Variants in ZBTB46 observed in about 807,000 individuals in gnomAD.
ZBTB46 encodes the protein zinc finger and BTB domain-containing protein 46.
A neutral mutation model predicts 44.1 loss-of-function variants in ZBTB46; 8 were observed. The observed-to-expected ratio is 0.18, with a 90% CI of 0.11 to 0.33. ZBTB46 has a LOEUF of 0.33. ZBTB46 is among the 10% of genes least tolerant of loss of function. ZBTB46 has a pLI of 1.00. For missense variants in ZBTB46, 651 were observed against 847.7 expected (o/e 0.77, Z 2.88); for synonymous variants, 409 against 382.3 (o/e 1.07, Z -0.81).
At chr20:63,775,319 G>A in intron 3 of ZBTB46, 1 of 213,872 alleles carries the variant, frequency 4.7e-6, no homozygotes, top group Non-Finnish European at 9.2e-6. Flanking sequence ...GGGGCCGGCA[G>A]GGGGCGCCCG....
chr20:63,767,058 G>A lies in ZBTB46; in HGVS notation c.1222+8620C>T, dbSNP rs535842381. 1.3e-5 allele frequency among the ~76,000 whole-genome samples: 2 copies of A among 152,326 alleles called. No individual in the cohort carries two copies. The highest frequency in any genetic ancestry group is 6.5e-5 in the Admixed American group (1 of 15,300). On this transcript the variant is annotated intron_variant, in intron 3 of 4. Coordinates refer to ENST00000245663, the MANE Select transcript of ZBTB46 (RefSeq NM_001369741.1). This position sits in a 1 kb window ranked among gnomAD's most constrained non-coding sequence, Gnocchi z 5.0. ...AGAAAGCTGACATTGAACCTAACAC[G>A]TCCGACGAGGACGGGCAAGGGCACC...
intron 1 of ZBTB46, among the ~76,000 whole-genome samples, chr20:63,820,693 A>G (rs576439532): frequency 6.6e-6 from 1 of 151,904 alleles, no homozygotes; most frequent in South Asian, 2.1e-4. Flanking sequence ...GGGCCTTCCA[A>G]AGTTCTGGGA....
intron 3 of ZBTB46, among the ~76,000 whole-genome samples, chr20:63,771,843 C>A (rs551732149): frequency 6.6e-6 from 1 of 152,200 alleles, no homozygotes; most frequent in Non-Finnish European, 1.5e-5. Flanking sequence ...AGGGGCCACA[C>A]AGGATGCCAG....
rs139017223 is a variant in ZBTB46, at chr20:63,791,412, C to T, written c.-33-622G>A. 9.2e-3 allele frequency among the ~76,000 whole-genome samples: 1,288 copies of T among 139,744 alleles called. 31 individuals carry two copies. The highest frequency in any genetic ancestry group is 0.032 in the African/African-American group (1,215 of 38,084). The allele number at this position is 139,744 out of a possible 152,430, so 91.7% of individuals were successfully genotyped here. On this transcript the variant is annotated intron_variant, in intron 1 of 4. Coordinates refer to ENST00000245663, the MANE Select transcript of ZBTB46 (RefSeq NM_001369741.1). ...TCAGGAGGCTGAGGCAGGAGAATGGCGTGAACCCGGGAGGCGGAGCCTGCA... is the reference window on the plus strand; with the variant it reads ...TCAGGAGGCTGAGGCAGGAGAATGGTGTGAACCCGGGAGGCGGAGCCTGCA...
chr20:63,804,958 G>A (rs1242075352), intron 1 of ZBTB46, among the ~76,000 whole-genome samples: 2 of 145,840 alleles, frequency 1.4e-5, no homozygotes, highest in Non-Finnish European at 1.5e-5. Context: ...GTCTCGCTCT[G>A]TTGCCAGGTT....
chr20:63,815,865 GGCGCAGGTCCAGTGGGTGCAGGTGC>G (rs2092750504), intron 1 of ZBTB46, among the ~76,000 whole-genome samples: 1 of 102,980 alleles, frequency 9.7e-6, no homozygotes, highest in African/African-American at 4.5e-5. Flanking sequence ...GGTGCAGGTG[GGCGCAGGTCCAGTGGGTGCAGGTGC>G]AGTGGGCACA....
intron 2 of ZBTB46, among the ~76,000 whole-genome samples, chr20:63,782,389 G>T (rs976015911): frequency 6.6e-6 from 1 of 152,144 alleles, no homozygotes; most frequent in African/African-American, 2.4e-5. Flanking sequence ...GTCGGGCCAC[G>T]AGCCAAGGAT....
chr20:63,748,921 G>T (rs1435049890), intron 4 of ZBTB46, among the ~76,000 whole-genome samples: 3 of 152,192 alleles, frequency 2.0e-5, no homozygotes, highest in African/African-American at 7.2e-5. Flanking sequence ...GACCTCTGAC[G>T]GGCAGGCACC....
At chr20:63,796,246 T>C (rs1467268556) in intron 1 of ZBTB46, among the ~76,000 whole-genome samples, 1 of 152,182 alleles carries the variant, frequency 6.6e-6, no homozygotes, top group East Asian at 1.9e-4. Context: ...GGCGGTAGTG[T>C]GTCTGCCGCA....
Position 63,818,043 on chromosome 20 carries a change from A to G in ZBTB46, c.-34+13054T>C, listed in dbSNP as rs150485245. Among the ~76,000 whole-genome samples the G allele has an allele frequency of 3.2e-3, 488 of 152,338 alleles. 2 individuals carry two copies. The highest frequency in any genetic ancestry group is 0.011 in the African/African-American group (445 of 41,574). On this transcript the variant is annotated intron_variant, in intron 1 of 4. Transcript: ENST00000245663. ...GCCCAAACAGCAAGCTCACCTACAG[A>G]GACTGCACGGCACCACGCTCTGAGT...
intron 1 of ZBTB46, among the ~76,000 whole-genome samples, chr20:63,804,123 G>A (rs2145995398): frequency 6.8e-6 from 1 of 147,960 alleles, no homozygotes; most frequent in East Asian, 2.0e-4. Flanking sequence ...GTGGGCTGTG[G>A]GGTCCCTGAA....
rs1159163682 is a variant in ZBTB46 at position 63,746,167 on chromosome 20, C to T, written c.*763G>A. 2.6e-5 allele frequency: 4 copies of T among 152,836 alleles called. No homozygotes were observed. Among genetic ancestry groups the T allele is most frequent in the African/African-American group, 9.6e-5 (4 of 41,454 alleles). 9.5% of individuals were successfully genotyped at this position (152,836 alleles called of 1,614,324 possible). ...GGGGTGGACGTGGCAGCCCAAGGCT[C>T]TCCGAGGAAGTGCACACGACTGAGC... On this transcript the variant is annotated 3_prime_UTR_variant, in exon 5 of 5. Transcript: ENST00000245663.
chr20:63,794,656 AC>A (rs1029966814), intron 1 of ZBTB46, among the ~76,000 whole-genome samples: 7 of 152,308 alleles, frequency 4.6e-5, no homozygotes, highest in African/African-American at 1.4e-4. Context: ...GGCCACGTCA[AC>A]CCCACTGTGG....
Position 63,803,141 on chromosome 20 carries a change from GGGCAC to G in ZBTB46, c.-33-12356_-33-12352del, listed in dbSNP as rs949374609. On this transcript the variant is annotated intron_variant, in intron 1 of 4. Transcript: ENST00000245663. The surrounding 1 kb of genome is among the most constrained non-coding windows in gnomAD (Gnocchi z 4.0). ...CACCTCACCAGCAGGAACCAGGCGT[GGGCAC>G]CATCCCCCAGGATGCCATCCAGGCA... Among the ~76,000 whole-genome samples, 29 of 151,574 alleles carry G rather than the reference GGGCAC, an allele frequency of 1.9e-4. No individual in the cohort carries two copies. The highest frequency in any genetic ancestry group is 6.1e-4 in the African/African-American group (25 of 41,264).
intron 4 of ZBTB46, among the ~76,000 whole-genome samples, chr20:63,748,137 T>C (rs1271926370): frequency 6.6e-6 from 1 of 152,124 alleles, no homozygotes; most frequent in Non-Finnish European, 1.5e-5. Flanking sequence ...TCCCCCACTC[T>C]CAGGCTGTTT....
chr20:63,826,447 G>C (rs2092819775), intron 1 of ZBTB46, among the ~76,000 whole-genome samples: 1 of 152,180 alleles, frequency 6.6e-6, no homozygotes, highest in African/African-American at 2.4e-5. Flanking sequence ...CTTTGGCTGG[G>C]CACGGTGGCT....
At chr20:63,824,069 G>A (rs1446343341) in intron 1 of ZBTB46, among the ~76,000 whole-genome samples, 1 of 152,070 alleles carries the variant, frequency 6.6e-6, no homozygotes, top group Non-Finnish European at 1.5e-5. Context: ...CAGGGTCGCT[G>A]GCCAAAGTCC....
upstream of ZBTB46, among the ~76,000 whole-genome samples, chr20:63,831,535 C>T (rs2092852524): frequency 6.8e-6 from 1 of 148,018 alleles, no homozygotes; most frequent in South Asian, 2.1e-4. Flanking sequence ...AGCGGAAGTG[C>T]GGGCTGGAGC....
intron 3 of ZBTB46, among the ~76,000 whole-genome samples, chr20:63,762,656 AC>A (rs2092286940): frequency 9.7e-6 from 1 of 103,614 alleles, no homozygotes; most frequent in South Asian, 3.7e-4. Flanking sequence ...CTCTCAAAAA[AC>A]AAACAAACAA....
Sources: allele counts gnomAD v4.1 joint callset (sites outside exome capture counted in the v4.1 genomes callset), GRCh38; gene constraint gnomAD v4.1.1; non-coding constraint Gnocchi (gnomAD v3.1); transcripts MANE v1.5; gene names NCBI Gene and HGNC (gene_info 2026-07-23, HGNC 2026-07-21).